TENM4: variants seen among roughly 807,000 people sequenced by gnomAD.
The protein encoded by TENM4 is teneurin-4.
A neutral mutation model predicts 243.3 loss-of-function variants in TENM4; 82 were observed. That is an observed-to-expected ratio of 0.34 (90% CI 0.28 to 0.40). The LOEUF is 0.40. TENM4 is among the 10% of genes least tolerant of loss of function. The probability of loss-of-function intolerance (pLI) is 1.00; values close to 1 mark genes in which losing one functional copy is unlikely to be tolerated. For missense variants in TENM4, 3,138 were observed against 3,673.3 expected (o/e 0.85, Z 3.77); for synonymous variants, 1,412 against 1,456.3 (o/e 0.97, Z 0.69).
chr11:78,749,448 G>A (rs182993878), intron 19 of TENM4: 4 of 150,838 alleles, frequency 2.7e-5, no homozygotes, highest in Admixed American at 6.6e-5. Flanking sequence ...AATTTGCTCA[G>A]AGGCCAGCTG....
chr11:79,297,266 T>C (rs1856470760), intron 2 of TENM4, among the ~76,000 whole-genome samples: 1 of 152,192 alleles, frequency 6.6e-6, no homozygotes, highest in Non-Finnish European at 1.5e-5. Flanking sequence ...ACTCACCTGT[T>C]AAACATGTCA....
rs201157191 is a variant in TENM4 at position 79,124,821 on chromosome 11, ATATG to A, written c.-66+23885_-66+23888del. Among the ~76,000 whole-genome samples the A allele has an allele frequency of 9.4e-3, 1,359 of 144,320 alleles. 27 individuals carry two copies. Among genetic ancestry groups the A allele is most frequent in the African/African-American group, 0.033 (1,286 of 38,906 alleles). 94.7% of individuals were successfully genotyped at this position (144,320 alleles called of 152,430 possible). A position where few individuals can be genotyped will look rare whatever the true frequency, so the allele number is the denominator to read the frequency against. On this transcript the variant is annotated intron_variant, in intron 4 of 33. Coordinates refer to ENST00000278550, the MANE Select transcript of TENM4 (RefSeq NM_001098816.3). ...TGTATATGTATGTGTATATATATGT[ATATG>A]TATGTGTGTGTATATATATACACAT...
chr11:78,879,302 C>T (rs1859356245), intron 9 of TENM4, among the ~76,000 whole-genome samples: 1 of 140,364 alleles, frequency 7.1e-6, no homozygotes, highest in African/African-American at 2.8e-5. Flanking sequence ...AGCGCCTTTG[C>T]CCAGCCGCCA....
In TENM4 at chr11:78,856,049, A is replaced by G. The variant is rs1429792127; in HGVS notation, c.1385T>C (p.Val462Ala). The change falls in exon 11 of 34, where the codon GTG becomes GCG. Residue 462 changes from valine to alanine, a missense_variant. Physicochemically the swap from Val to Ala is moderately conservative, Grantham distance 64 (BLOSUM62 0). This residue lies in a region of TENM4 where 2,467 missense variants were observed against 3,059.1 expected (regional missense o/e 0.81). Transcript: ENST00000278550. The part of the protein sequence containing the change: ...WRSQVFIDHP[V>A]HLKFNVSLGK... ...CAGAGACACATTGAATTTCAGATGC[A>G]CAGGATGGTCTATGAACACTTGAGA... The G allele has an allele frequency of 3.2e-6, 5 of 1,551,778 alleles. No homozygotes were observed. Among genetic ancestry groups the G allele is most frequent in the East Asian group, 4.9e-5 (2 of 40,922 alleles).
chr11:79,006,699 T>C (rs1430605313), intron 6 of TENM4, among the ~76,000 whole-genome samples: 1 of 152,208 alleles, frequency 6.6e-6, no homozygotes, highest in Admixed American at 6.5e-5. Flanking sequence ...ATTAGAAACT[T>C]TGCTATCTTT....
chr11:79,091,023 G>A (rs1246675930), intron 4 of TENM4, among the ~76,000 whole-genome samples: 9 of 152,162 alleles, frequency 5.9e-5, no homozygotes, highest in Admixed American at 5.9e-4. Flanking sequence ...GAGGTACAGT[G>A]GGAAATGTCA....
At chr11:79,311,658 A>G (rs1856723848) in intron 1 of TENM4, among the ~76,000 whole-genome samples, 1 of 152,180 alleles carries the variant, frequency 6.6e-6, no homozygotes, top group Non-Finnish European at 1.5e-5. Context: ...CTTGAGCTTA[A>G]CCTTCATGAC....
chr11:79,019,313 T>G (rs1435268230), intron 6 of TENM4, among the ~76,000 whole-genome samples: 3 of 152,112 alleles, frequency 2.0e-5, no homozygotes, highest in Non-Finnish European at 1.5e-5. Flanking sequence ...AACCTGAGCA[T>G]CCCACTAGAC....
At chr11:79,266,658 A>T (rs1855888886) in intron 2 of TENM4, among the ~76,000 whole-genome samples, 1 of 152,202 alleles carries the variant, frequency 6.6e-6, no homozygotes, top group African/African-American at 2.4e-5. Flanking sequence ...GTGCAATAAC[A>T]TTGCAGCAGC....
chr11:78,822,091 G>A (rs949150926), intron 12 of TENM4, among the ~76,000 whole-genome samples: 2 of 152,152 alleles, frequency 1.3e-5, no homozygotes, highest in Admixed American at 6.5e-5. Flanking sequence ...ATTTTCAGTC[G>A]CTGGATGTAT....
intron 6 of TENM4, among the ~76,000 whole-genome samples, chr11:78,977,342 A>C (rs2136606619): frequency 2.0e-5 from 3 of 152,344 alleles, no homozygotes; most frequent in Admixed American, 2.0e-4. Context: ...TTAGGACTTC[A>C]ATATACCTTT....
chr11:78,717,227 C>T (rs2135822531), intron 25 of TENM4, among the ~76,000 whole-genome samples: 1 of 152,288 alleles, frequency 6.6e-6, no homozygotes, highest in African/African-American at 2.4e-5. Context: ...TTCACTCTGC[C>T]CTCATTCTGG....
At chr11:79,353,823 G>C (rs1857454510) in intron 1 of TENM4, among the ~76,000 whole-genome samples, 1 of 151,316 alleles carries the variant, frequency 6.6e-6, no homozygotes, top group Admixed American at 6.6e-5. Context: ...AAATCCAGTT[G>C]GCCAGGTTTT....
chr11:79,236,778 G>A (rs187935371), intron 2 of TENM4, among the ~76,000 whole-genome samples: 147 of 152,312 alleles, frequency 9.7e-4, no homozygotes, highest in Non-Finnish European at 1.7e-3. Context: ...GTTCTATGGA[G>A]CAAATGCACC....
Position 79,139,065 on chromosome 11 carries a change from TTC to T in TENM4, c.-66+9643_-66+9644del, listed in dbSNP as rs1360392774. Among the ~76,000 whole-genome samples the T allele has an allele frequency of 2.1e-3, 37 of 17,994 alleles. 6 individuals are homozygous for T. Among genetic ancestry groups the T allele is most frequent in the Non-Finnish European group, 2.1e-3 (23 of 10,768 alleles). 11.8% of individuals were successfully genotyped at this position (17,994 alleles called of 152,430 possible). ...TAAATATATAAAATATATATTATAT[TTC>T]TATAAATATATATTATATTTCTATA... On this transcript the variant is annotated intron_variant, in intron 4 of 33. Coordinates refer to ENST00000278550, the MANE Select transcript of TENM4 (RefSeq NM_001098816.3).
chr11:79,258,931 A>G lies in TENM4; in HGVS notation c.-265+38557T>C, dbSNP rs140406222. Among the ~76,000 whole-genome samples the G allele has an allele frequency of 4.1e-4, 62 of 152,082 alleles. 1 individual carries two copies. In the Middle Eastern group the frequency reaches 0.01, roughly 25 times the overall value. Reference sequence around the variant, plus strand: ...GATGAGCAATCTGAAGCTGAGTTCCAGTCCTGGCCCCCCCCACCTACTAGC... The same window carrying G: ...GATGAGCAATCTGAAGCTGAGTTCCGGTCCTGGCCCCCCCCACCTACTAGC... On this transcript the variant is annotated intron_variant, in intron 2 of 33. Coordinates refer to ENST00000278550, the MANE Select transcript of TENM4 (RefSeq NM_001098816.3).
At chr11:78,961,999 G>C (rs1857337310) in intron 6 of TENM4, 1 of 152,264 alleles carries the variant, frequency 6.6e-6, no homozygotes, top group African/African-American at 2.4e-5. Flanking sequence ...GCCTGAGCCC[G>C]CGGAGCCACG....
chr11:78,667,494 C>G (rs1204782825), intron 32 of TENM4, among the ~76,000 whole-genome samples: 2 of 152,136 alleles, frequency 1.3e-5, no homozygotes, highest in African/African-American at 2.4e-5. Flanking sequence ...TCCCCCATTA[C>G]CTGGTGAACA....
chr11:78,778,676 A>C (rs755282349), intron 16 of TENM4, 48 bp from the exon 17 acceptor site: 1 of 1,567,972 alleles, frequency 6.4e-7, no homozygotes, highest in East Asian at 2.2e-5. Flanking sequence ...CAGTAAGTGC[A>C]ATATCGCCTG....
Sources: allele counts gnomAD v4.1 joint callset (sites outside exome capture counted in the v4.1 genomes callset), GRCh38; gene constraint gnomAD v4.1.1; regional missense constraint gnomAD v4.1.1; transcripts MANE v1.5; gene names NCBI Gene and HGNC (gene_info 2026-07-23, HGNC 2026-07-21).